Variants in NOC2L observed in about 807,000 individuals in gnomAD.
The protein encoded by NOC2L is NOC2 like nucleolar associated transcriptional repressor.
Under a neutral mutation model 94.2 loss-of-function variants are expected in NOC2L, and 101 were observed. The observed-to-expected ratio is 1.07, with a 90% confidence interval of 0.91 to 1.26. The LOEUF is 1.26. Among genes scored for constraint, NOC2L ranks in the 50% most tolerant of loss-of-function variants. NOC2L has a pLI of 0.00. For synonymous variants in NOC2L, 531 were observed against 413.4 expected, an observed-to-expected ratio of 1.28 and a Z score of -3.45; for missense variants, 1,076 against 980.1, an observed-to-expected ratio of 1.10 and a Z score of -1.31.
chr1:952,720 G>T lies in NOC2L; in HGVS notation c.1003-120C>A, dbSNP rs984700017. The T allele has an allele frequency of 4.1e-6, 4 of 983,872 alleles. No individual in the cohort carries two copies. The African/African-American group carries it at 6.4e-5, about 16-fold the overall frequency. 60.9% of individuals were successfully genotyped at this position (983,872 alleles called of 1,614,324 possible). On this transcript the variant is annotated intron_variant, in intron 9 of 18. Transcript: ENST00000327044. Reference sequence around the variant, plus strand: ...CAGAGCTGGGCCTCGAGGAAGAGCCGTAGCCCCTTGCACAGCCCCCACCCC... The same window carrying T: ...CAGAGCTGGGCCTCGAGGAAGAGCCTTAGCCCCTTGCACAGCCCCCACCCC...
intron 14 of NOC2L, 50 bp from the exon 15 acceptor site, chr1:946,595 A>G (rs1642124937): frequency 6.3e-7 from 1 of 1,590,800 alleles, no homozygotes; most frequent in Admixed American, 1.7e-5. Flanking sequence ...CTCCATGTGC[A>G]CAGCTGGCCC....
At chr1:946,322 C>A (rs370023958) in intron 15 of NOC2L, 36 bp from the exon 16 acceptor site, 10 of 1,611,590 alleles carry the variant, frequency 6.2e-6, no homozygotes, top group Non-Finnish European at 7.6e-6. Flanking sequence ...CATGCCTCAC[C>A]CTGGGCAAAC....
At chr1:949,872 C>T (rs1642205672) in intron 12 of NOC2L, among the ~76,000 whole-genome samples, 1 of 152,192 alleles carries the variant, frequency 6.6e-6, no homozygotes, top group African/African-American at 2.4e-5. Flanking sequence ...CTTCTGGACC[C>T]AGCAACCTGG....
At chr1:951,848 A>G in intron 11 of NOC2L, 152 bp downstream of exon 11, 1 of 806,622 alleles carries the variant, frequency 1.2e-6, no homozygotes, top group Non-Finnish European at 1.9e-6. Context: ...ATCTCCCCGT[A>G]GCAGGTACAG....
chr1:951,910 G>A, intron 11 of NOC2L, 90 bp downstream of exon 11: 1 of 1,436,410 alleles, frequency 7.0e-7, no homozygotes, highest in Non-Finnish European at 9.5e-7. Flanking sequence ...AGGCCCCAAG[G>A]CCCTGAACGC....
In NOC2L at chr1:953,998, T is replaced by C. The variant is rs1642332860; in HGVS notation, c.777+6A>G. 1.9e-6 allele frequency: 3 copies of C among 1,605,304 alleles called. No homozygotes were observed. Among genetic ancestry groups the C allele is most frequent in the Non-Finnish European group, 2.6e-6 (3 of 1,174,728 alleles). ...GGCCCCCGTGCCCTCCCCACCAGAATAGCACCTGTATGGCCGAGCCCAGGT... is the reference window on the plus strand; with the variant it reads ...GGCCCCCGTGCCCTCCCCACCAGAACAGCACCTGTATGGCCGAGCCCAGGT... On this transcript the variant is annotated splice_donor_region_variant and intron_variant, in intron 7 of 18. Transcript: ENST00000327044.
Position 944,286 on chromosome 1 carries a change from T to G in NOC2L, c.*408A>C. On this transcript the variant is annotated 3_prime_UTR_variant, in exon 19 of 19. Coordinates refer to ENST00000327044, the MANE Select transcript of NOC2L (RefSeq NM_015658.4). ...AAAAATTTTAAAAGAAAATGTGACT[T>G]CAAAGGAAAGGAACAAATTTTCAAA... The G allele has an allele frequency of 2.1e-6, 3 of 1,423,266 alleles. No homozygotes were observed. Among genetic ancestry groups the G allele is most frequent in the East Asian group, 2.6e-5 (1 of 38,256 alleles). 88.2% of individuals were successfully genotyped at this position (1,423,266 alleles called of 1,614,324 possible).
chr1:945,610 G>C lies in NOC2L; in HGVS notation c.1961C>G (p.Ala654Gly). The C allele has an allele frequency of 6.2e-7, 1 of 1,614,162 alleles. No homozygotes were observed. Among genetic ancestry groups the C allele is most frequent in the Non-Finnish European group, 8.5e-7 (1 of 1,180,000 alleles). Residue 654 changes from alanine (A) to glycine (G), a missense_variant, in exon 17 of 19, where the codon GCT (alanine) becomes GGT (glycine). By Grantham distance (60) the Ala-to-Gly change is moderately conservative. Transcript: ENST00000327044. ...NFPEIKRRKMADRKDEDRKQF... is the reference protein window; with the variant it reads ...NFPEIKRRKMGDRKDEDRKQF... ...CTTCCTGTCCTCATCCTTCCTGTCAGCCATCTTCCTTCGTTTGATCTCAGG... is the reference window on the plus strand; with the variant it reads ...CTTCCTGTCCTCATCCTTCCTGTCACCCATCTTCCTTCGTTTGATCTCAGG...
Position 958,939 on chromosome 1 carries a change from G to A in NOC2L, c.169C>T (p.Pro57Ser), listed in dbSNP as rs1216043448. 2.5e-6 allele frequency: 4 copies of A among 1,612,738 alleles called. No individual in the cohort carries two copies. The highest frequency in any genetic ancestry group is 2.2e-5 in the South Asian group (2 of 91,090). Residue 57 changes from proline (P) to serine (S), a missense_variant, in exon 2 of 19, where the codon CCC becomes TCC. By Grantham distance (74) the Pro-to-Ser change is moderately conservative (BLOSUM62 -1). Coordinates refer to ENST00000327044, the MANE Select transcript of NOC2L (RefSeq NM_015658.4). ...ARSPDKPGGS[P>S]SASRRKGRAS... ...CATGTCCCCACTAACCTGGCCGAGG[G>A]GCTCCCGCCCGGCTTATCCGGACTC...
chr1:958,435 A>G, intron 2 of NOC2L: 1 of 328,050 alleles, frequency 3.0e-6, no homozygotes, highest in Non-Finnish European at 6.0e-6. Context: ...TTTTTAGTAG[A>G]GACATGATTT....
chr1:948,729 C>CACCCTGGTT (rs1642181249), intron 12 of NOC2L, 126 bp from the exon 13 acceptor site: 4 of 662,946 alleles, frequency 6.0e-6, no homozygotes, highest in African/African-American at 5.3e-5. Flanking sequence ...TCACCCTGGT[C>CACCCTGGTT]CTCAGGCTTC....
rs1485880346 is a variant in NOC2L, at chr1:957,029, C to A, written c.355-4G>T. On this transcript the variant is annotated splice_polypyrimidine_tract_variant and splice_region_variant and intron_variant, in intron 3 of 18. Coordinates refer to ENST00000327044, the MANE Select transcript of NOC2L (RefSeq NM_015658.4). Reference sequence around the variant, plus strand: ...CATCCTCCTCCTCACTGGCTTCCTGCACAGAAAGGCTGAGCTGAAGGAGAG... The same window carrying A: ...CATCCTCCTCCTCACTGGCTTCCTGAACAGAAAGGCTGAGCTGAAGGAGAG... The A allele has an allele frequency of 3.1e-6, 5 of 1,614,072 alleles. No individual in the cohort carries two copies. Among genetic ancestry groups the A allele is most frequent in the African/African-American group, 1.3e-5 (1 of 75,072 alleles).
At position 954,496 on chromosome 1, in the gene NOC2L, C is replaced by G. The variant is rs148363371; in HGVS notation, c.699-414G>C. Reference sequence around the variant, plus strand: ...GTCGCCCAGGCACCACCAACTGCCGCAGACTGGTTTCCTTTGGCCCACATT... The same window carrying G: ...GTCGCCCAGGCACCACCAACTGCCGGAGACTGGTTTCCTTTGGCCCACATT... On this transcript the variant is annotated intron_variant, in intron 6 of 18. Transcript: ENST00000327044. The G allele has an allele frequency of 8.7e-3, 1,570 of 180,302 alleles. 12 individuals carry two copies. The highest frequency in any genetic ancestry group is 0.021 in the Middle Eastern group (9 of 438). 11.2% of individuals were successfully genotyped at this position (180,302 alleles called of 1,614,324 possible).
intron 14 of NOC2L, chr1:947,139 G>A (rs1642137317): frequency 6.6e-6 from 1 of 152,398 alleles, no homozygotes; most frequent in African/African-American, 2.4e-5. Flanking sequence ...GCAGTTGCCT[G>A]TGCAGCTGAA....
intron 18 of NOC2L, 28 bp from the exon 19 acceptor site, chr1:944,828 A>G: frequency 1.4e-6 from 2 of 1,473,650 alleles, no homozygotes; most frequent in Admixed American, 2.0e-5. Context: ...GGCTACATAA[A>G]TTTTGCTTTA....
chr1:953,292 CAGA>C lies in NOC2L; in HGVS notation c.889-7_889-5del, dbSNP rs1410198212. 3.3e-6 allele frequency: 5 copies of C among 1,530,176 alleles called. No homozygotes were observed. Among genetic ancestry groups the C allele is most frequent in the Non-Finnish European group, 2.7e-6 (3 of 1,104,204 alleles). The allele number at this position is 1,530,176 out of a possible 1,614,324, so 94.8% of individuals were successfully genotyped here. On this transcript the variant is annotated splice_region_variant and splice_polypyrimidine_tract_variant and intron_variant, in intron 8 of 18. Coordinates refer to ENST00000327044, the MANE Select transcript of NOC2L (RefSeq NM_015658.4). The stretch of plus-strand genomic sequence containing the variant: ...TGCTCCATACGATCACCATTCTCTG[CAGA>C]AGGTCAGACGTCACTGGTGGCCCCC...
intron 2 of NOC2L, chr1:957,646 C>T (rs529573292): frequency 7.1e-5 from 16 of 226,890 alleles, no homozygotes; most frequent in South Asian, 1.6e-4. Context: ...ATACCCAGCA[C>T]GCAACTTGTC....
chr1:955,906 AC>A lies in NOC2L; in HGVS notation c.698+16del. 2.2e-6 allele frequency: 3 copies of A among 1,393,510 alleles called. No individual in the cohort carries two copies. Among genetic ancestry groups the A allele is most frequent in the Non-Finnish European group, 3.0e-6 (3 of 1,010,332 alleles). 86.3% of individuals were successfully genotyped at this position (1,393,510 alleles called of 1,614,324 possible). On this transcript the variant is annotated intron_variant, in intron 6 of 18. Transcript: ENST00000327044. ...CCCACCTTCCACCCTACCCCCCTTC[AC>A]CCCCTCCCCTCTTACCTGCTGCTAT... is the stretch of plus-strand genomic sequence containing the variant.
At position 944,460 on chromosome 1, in the gene NOC2L, C is replaced by G; in HGVS notation, c.*234G>C. 2.5e-6 allele frequency: 2 copies of G among 802,436 alleles called. No homozygotes were observed. The highest frequency in any genetic ancestry group is 3.7e-6 in the Non-Finnish European group (2 of 546,478). 49.7% of individuals were successfully genotyped at this position (802,436 alleles called of 1,614,324 possible). A position where few individuals can be genotyped will look rare whatever the true frequency, so the allele number is the denominator to read the frequency against. On this transcript the variant is annotated 3_prime_UTR_variant, in exon 19 of 19. Coordinates refer to ENST00000327044, the MANE Select transcript of NOC2L (RefSeq NM_015658.4). ...GCTGACGTCAGGGTCAGCTCCCCCG[C>G]GGAGCTGACTTCAGCAGCCCACAGC... is the stretch of plus-strand genomic sequence containing the variant.
Sources: gnomAD v4.1 joint callset for allele counts (sites outside exome capture counted in the v4.1 genomes callset) on GRCh38, gnomAD v4.1.1 for gene constraint, MANE v1.5 for transcripts, NCBI Gene and HGNC (gene_info 2026-07-23, HGNC 2026-07-21) for gene names.